Variants in LARP1 observed in about 807,000 individuals in gnomAD.
The protein encoded by LARP1 is la-related protein 1.
LARP1 carries 36 observed loss-of-function variants against 122.7 expected under a neutral mutation model. The observed-to-expected ratio is 0.29, with a 90% confidence interval of 0.22 to 0.39. The LOEUF is 0.39. Among genes scored for constraint, LARP1 ranks in the 10% least tolerant of loss-of-function variants. The pLI, the probability that LARP1 is intolerant of heterozygous loss-of-function variation, is 1.00. For missense variants in LARP1, 1,040 were observed against 1,403.6 expected, an observed-to-expected ratio of 0.74 and a Z score of 4.14; for synonymous variants, 539 against 528.7, an observed-to-expected ratio of 1.02 and a Z score of -0.27.
chr5:154,813,839 G>T (rs1759477828), intron 18 of LARP1, 48 bp from the exon 19 acceptor site: 1 of 1,526,706 alleles, frequency 6.6e-7, no homozygotes, highest in East Asian at 2.3e-5. Context: ...CAAGGAAGAG[G>T]GCGTAGATAG....
At chr5:154,743,282 C>A (rs773848924) in intron 1 of LARP1, among the ~76,000 whole-genome samples, 1 of 151,482 alleles carries the variant, frequency 6.6e-6, no homozygotes, top group Non-Finnish European at 1.5e-5. Context: ...TATTATTAAC[C>A]GCAAGGGCTA....
chr5:154,720,944 A>G (rs1228849463), intron 1 of LARP1, among the ~76,000 whole-genome samples: 1 of 152,078 alleles, frequency 6.6e-6, no homozygotes, highest in African/African-American at 2.4e-5. Context: ...ATCCAATCAG[A>G]GAGCCTCTGA....
chr5:154,721,346 C>CAAAA (rs70981943), intron 1 of LARP1, among the ~76,000 whole-genome samples: 2 of 126,934 alleles, frequency 1.6e-5, no homozygotes. Flanking sequence ...GACTCCGTCT[C>CAAAA]AAAAAAAAAA....
At chr5:154,757,886 T>G (rs1414345959) in intron 1 of LARP1, among the ~76,000 whole-genome samples, 1 of 33,252 alleles carries the variant, frequency 3.0e-5, no homozygotes, top group Non-Finnish European at 5.3e-5. Flanking sequence ...CCCTTCCCCC[T>G]TCCTCCCCTT....
At chr5:154,758,746 G>C (rs535032159) in intron 1 of LARP1, among the ~76,000 whole-genome samples, 2 of 152,312 alleles carry the variant, frequency 1.3e-5, no homozygotes, top group South Asian at 4.1e-4. Context: ...TGCTGTAAAT[G>C]CCTATTTTTA....
chr5:154,739,845 G>A (rs1339159463), intron 1 of LARP1, among the ~76,000 whole-genome samples: 1 of 152,076 alleles, frequency 6.6e-6, no homozygotes, highest in Non-Finnish European at 1.5e-5. Flanking sequence ...GTTTGGGCTG[G>A]GATCCACTGT....
Position 154,790,823 on chromosome 5 carries a change from T to G in LARP1, c.564+113T>G, listed in dbSNP as rs1051032832. On this transcript the variant is annotated intron_variant, in intron 3 of 18. Transcript: ENST00000518297. ...TACCTTTCTCAGTTTTCATTCTTTC[T>G]TTTTTTTCCCCCCAACAGAGTTTCA... 5 of 950,078 alleles carry G rather than the reference T, an allele frequency of 5.3e-6. No homozygotes were observed. The African/African-American group carries it at 8.2e-5, about 16-fold the overall frequency. 58.9% of individuals were successfully genotyped at this position (950,078 alleles called of 1,614,324 possible). A position where few individuals can be genotyped will look rare whatever the true frequency, so the allele number is the denominator to read the frequency against.
intron 1 of LARP1, among the ~76,000 whole-genome samples, chr5:154,704,887 G>A (rs892879267): frequency 1.3e-5 from 2 of 152,032 alleles, no homozygotes; most frequent in Non-Finnish European, 2.9e-5. Context: ...AGAGGCTGAG[G>A]CTGGTGAATC....
intron 1 of LARP1, among the ~76,000 whole-genome samples, chr5:154,725,259 G>A (rs1031185852): frequency 4.6e-5 from 7 of 151,694 alleles, no homozygotes; most frequent in South Asian, 2.1e-4. Flanking sequence ...GTGTGGTGGC[G>A]GGCGCCTGTA....
intron 1 of LARP1, among the ~76,000 whole-genome samples, chr5:154,787,208 GT>G (rs1003769128): frequency 2.6e-5 from 4 of 152,208 alleles, no homozygotes; most frequent in African/African-American, 9.6e-5. Context: ...AGTGAATGGT[GT>G]TTCCTGACTG....
intron 1 of LARP1, chr5:154,756,479 G>A (rs1753919213): frequency 2.0e-6 from 2 of 985,732 alleles, no homozygotes; most frequent in Non-Finnish European, 2.4e-6. Flanking sequence ...GTCGGCAGAG[G>A]GTGGGCGCTG....
At position 154,808,609 on chromosome 5, in the gene LARP1, C is replaced by T; in HGVS notation, c.2843+6C>T. ...GACGCCAAAGAAGGCTACAGGTGAG[C>T]AGGTTTGGGTGGGGGACTTTGGCTG... On this transcript the variant is annotated splice_donor_region_variant and intron_variant, in intron 16 of 18. Coordinates refer to ENST00000518297, the MANE Select transcript of LARP1 (RefSeq NM_033551.3). The T allele has an allele frequency of 6.2e-7, 1 of 1,610,598 alleles. No homozygotes were observed. Among genetic ancestry groups the T allele is most frequent in the Non-Finnish European group, 8.5e-7 (1 of 1,178,346 alleles).
At chr5:154,751,590 C>G (rs148419810), upstream of LARP1, among the ~76,000 whole-genome samples, 1,548 of 152,270 alleles carry the variant, frequency 0.01, 22 homozygotes, top group African/African-American at 0.034. Flanking sequence ...CATTACTAGT[C>G]CCCTCTTATC....
chr5:154,801,001 G>C (rs1172977602), intron 10 of LARP1, among the ~76,000 whole-genome samples: 1 of 152,182 alleles, frequency 6.6e-6, no homozygotes, highest in African/African-American at 2.4e-5. Context: ...GTTTGAAACA[G>C]GGGTCAGACT....
At chr5:154,805,845 G>C (rs1449794131) in intron 14 of LARP1, 36 bp from the exon 15 acceptor site, 3 of 1,602,266 alleles carry the variant, frequency 1.9e-6, no homozygotes, top group South Asian at 1.1e-5. Context: ...GCTGCTGTGG[G>C]GAACCTGGTG....
At position 154,802,188 on chromosome 5, in the gene LARP1, A is replaced by G; in HGVS notation, c.1898A>G (p.Tyr633Cys). 4 of 1,614,192 alleles carry G rather than the reference A, an allele frequency of 2.5e-6. No homozygotes were observed. The highest frequency in any genetic ancestry group is 3.4e-6 in the Non-Finnish European group (4 of 1,180,020). Reference protein sequence around the residue: ...FTAWSDEESDYEIDDRDVNKI... With the variant: ...FTAWSDEESDCEIDDRDVNKI... ...GCCTGGTCTGATGAGGAATCTGACT[A>G]TGAGATTGATGACAGGGATGTCAAC... Residue 633 changes from tyrosine (Y) to cysteine (C), a missense_variant, in exon 11 of 19, where the codon TAT (tyrosine) becomes TGT (cysteine). Tyr to Cys is a radical substitution (Grantham distance 194). Coordinates refer to ENST00000518297, the MANE Select transcript of LARP1 (RefSeq NM_033551.3). This position sits in a 1 kb window ranked among gnomAD's most constrained non-coding sequence, Gnocchi z 5.1.
At chr5:154,783,662 G>GT (rs1443971214) in intron 1 of LARP1, among the ~76,000 whole-genome samples, 3 of 151,958 alleles carry the variant, frequency 2.0e-5, no homozygotes, top group African/African-American at 7.3e-5. Flanking sequence ...TGGGTTCCTC[G>GT]TTTTAAAATG....
Position 154,804,125 on chromosome 5 carries a change from T to A in LARP1, c.2440-76T>A. 3.9e-6 allele frequency: 4 copies of A among 1,015,672 alleles called. No individual in the cohort carries two copies. In the Admixed American group the frequency reaches 7.1e-5, roughly 18 times the overall value. 62.9% of individuals were successfully genotyped at this position (1,015,672 alleles called of 1,614,324 possible). ...AAAATGTGAGAGATCATGCCCATCTTAGTCCTACAAGTGCTTGATGCTCCT... is the reference window on the plus strand; with the variant it reads ...AAAATGTGAGAGATCATGCCCATCTAAGTCCTACAAGTGCTTGATGCTCCT... On this transcript the variant is annotated intron_variant, in intron 13 of 18. Coordinates refer to ENST00000518297, the MANE Select transcript of LARP1 (RefSeq NM_033551.3).
intron 1 of LARP1, among the ~76,000 whole-genome samples, chr5:154,696,608 C>T (rs1754481041): frequency 1.3e-5 from 2 of 152,158 alleles, no homozygotes; most frequent in Admixed American, 6.6e-5. Flanking sequence ...CATTTTACCC[C>T]TGAGAAAACA....
Sources: gnomAD v4.1 joint callset for allele counts (sites outside exome capture counted in the v4.1 genomes callset) on GRCh38, gnomAD v4.1.1 for gene constraint, Gnocchi (gnomAD v3.1) non-coding constraint, MANE v1.5 for transcripts, NCBI Gene and HGNC (gene_info 2026-07-23, HGNC 2026-07-21) for gene names.